Variants in GRIN3A observed in about 807,000 individuals in gnomAD.
The protein encoded by GRIN3A is glutamate receptor ionotropic, NMDA 3A.
GRIN3A carries 47 observed loss-of-function variants against 92.4 expected under a neutral mutation model. The ratio of observed to expected loss-of-function variants is 0.51; its 90% CI spans 0.40 to 0.65. The LOEUF (loss-of-function observed/expected upper bound fraction) is 0.65. Ranked by LOEUF, GRIN3A falls within the 30% of genes least tolerant of loss-of-function variation. The pLI, the probability that GRIN3A is intolerant of heterozygous loss-of-function variation, is 0.00. For synonymous variants in GRIN3A, 527 were observed against 540.6 expected, an observed-to-expected ratio of 0.97 and a Z score of 0.35; for missense variants, 1,324 against 1,393.1, an observed-to-expected ratio of 0.95 and a Z score of 0.79.
At chr9:101,673,271 T>G (rs1053423699) in intron 2 of GRIN3A, among the ~76,000 whole-genome samples, 1 of 152,118 alleles carries the variant, frequency 6.6e-6, no homozygotes, top group Non-Finnish European at 1.5e-5. Context: ...CACAACTCTG[T>G]CATTCCAGTA....
rs773593066 is a variant in GRIN3A, at chr9:101,686,891, G to A, written c.1009C>T (p.Arg337Trp). The stretch of plus-strand genomic sequence containing the variant: ...AACTGGGTTGTAATTTCGAAAATCC[G>A]CCGGATACTTTCCATGTCGCAGCCA... Reference protein sequence around the residue: ...MFGCDMESIRRIFEITTQFGV... With the variant: ...MFGCDMESIRWIFEITTQFGV... The change falls in exon 2 of 9, where the codon CGG becomes TGG. Residue 337 changes from arginine (R) to tryptophan (W), a missense_variant. Coordinates refer to ENST00000361820, the MANE Select transcript of GRIN3A (RefSeq NM_133445.3). 52 of 1,614,062 alleles carry A rather than the reference G, an allele frequency of 3.2e-5. No homozygotes were observed. Among genetic ancestry groups the A allele is most frequent in the East Asian group, 2.5e-4 (11 of 44,886 alleles).
At chr9:101,680,003 G>A (rs1435485601) in intron 2 of GRIN3A, among the ~76,000 whole-genome samples, 1 of 151,938 alleles carries the variant, frequency 6.6e-6, no homozygotes, top group African/African-American at 2.4e-5. Context: ...ATTAAGGAAG[G>A]CTTATACTAA....
At chr9:101,580,979 T>C (rs558417475) in intron 6 of GRIN3A, among the ~76,000 whole-genome samples, 1 of 152,330 alleles carries the variant, frequency 6.6e-6, no homozygotes, top group African/African-American at 2.4e-5. Flanking sequence ...AGCCATTATT[T>C]AGCCATTGAC....
chr9:101,614,594 C>A (rs889028058), intron 5 of GRIN3A, among the ~76,000 whole-genome samples: 2 of 143,352 alleles, frequency 1.4e-5, no homozygotes, highest in East Asian at 4.1e-4. Flanking sequence ...CATATATATG[C>A]ATATATATGT....
intron 6 of GRIN3A, among the ~76,000 whole-genome samples, chr9:101,585,399 T>C (rs1827937126): frequency 6.6e-6 from 1 of 152,204 alleles, no homozygotes; most frequent in Non-Finnish European, 1.5e-5. Context: ...CAGATGTCAA[T>C]GACTCCCAAG....
intron 1 of GRIN3A, among the ~76,000 whole-genome samples, chr9:101,723,963 C>T (rs998413823): frequency 1.3e-5 from 2 of 152,140 alleles, no homozygotes; most frequent in Non-Finnish European, 2.9e-5. Context: ...GAGCTAGACA[C>T]GGGGTGCTTA....
At chr9:101,652,345 G>T (rs957613614) in intron 3 of GRIN3A, among the ~76,000 whole-genome samples, 4 of 151,948 alleles carry the variant, frequency 2.6e-5, no homozygotes, top group Middle Eastern at 3.2e-3. Context: ...AAATAGGAAG[G>T]TCATCAAAGT....
At chr9:101,713,990 G>A (rs753509152) in intron 1 of GRIN3A, among the ~76,000 whole-genome samples, 3 of 152,112 alleles carry the variant, frequency 2.0e-5, no homozygotes, top group Non-Finnish European at 4.4e-5. Context: ...CTGTGGCACT[G>A]CACTCCAGTC....
chr9:101,598,362 G>A (rs1387449363), intron 6 of GRIN3A, among the ~76,000 whole-genome samples: 3 of 152,126 alleles, frequency 2.0e-5, no homozygotes, highest in African/African-American at 4.8e-5. Context: ...GAAAGATATG[G>A]AGGCTAAAAT....
intron 3 of GRIN3A, among the ~76,000 whole-genome samples, chr9:101,661,047 G>C (rs1162725903): frequency 6.6e-6 from 1 of 151,810 alleles, no homozygotes; most frequent in African/African-American, 2.4e-5. Flanking sequence ...CCTAGGAGGG[G>C]AATAAACTGG....
intron 3 of GRIN3A, among the ~76,000 whole-genome samples, chr9:101,658,653 T>G (rs1487686636): frequency 1.3e-5 from 2 of 151,940 alleles, no homozygotes; most frequent in Non-Finnish European, 2.9e-5. Flanking sequence ...ACTCACTTCT[T>G]GAGTTTGAAA....
intron 8 of GRIN3A, 120 bp from the exon 9 acceptor site, chr9:101,573,633 T>A: frequency 1.2e-6 from 1 of 812,318 alleles, no homozygotes; most frequent in Non-Finnish European, 2.1e-6. Context: ...AGAGATGAAG[T>A]AACAAAGCCA....
chr9:101,585,966 T>A (rs1016723570), intron 6 of GRIN3A, among the ~76,000 whole-genome samples: 4 of 152,210 alleles, frequency 2.6e-5, no homozygotes, highest in Non-Finnish European at 4.4e-5. Flanking sequence ...GCTCAGCCAT[T>A]TGGGCTTCCT....
At chr9:101,611,652 T>C (rs755839403) in intron 6 of GRIN3A, among the ~76,000 whole-genome samples, 2 of 152,238 alleles carry the variant, frequency 1.3e-5, no homozygotes, top group African/African-American at 2.4e-5. Context: ...ATATGAGACA[T>C]TGACAATACA....
In GRIN3A at chr9:101,653,423, T is replaced by A. The variant is rs572078357; in HGVS notation, c.2352+16637A>T. Among the ~76,000 whole-genome samples the A allele has an allele frequency of 1.4e-4, 22 of 152,102 alleles. No individual in the cohort carries two copies. In the South Asian group the frequency reaches 4.1e-3, roughly 29 times the overall value. Reference sequence around the variant, plus strand: ...TAATTTCTATACTTATTGAACTATGTTAATTAAGCTTTTAATTTTTTAGCT... The same window carrying A: ...TAATTTCTATACTTATTGAACTATGATAATTAAGCTTTTAATTTTTTAGCT... On this transcript the variant is annotated intron_variant, in intron 3 of 8. Transcript: ENST00000361820.
intron 3 of GRIN3A, among the ~76,000 whole-genome samples, chr9:101,631,916 T>C (rs553676607): frequency 6.6e-6 from 1 of 152,342 alleles, no homozygotes; most frequent in African/African-American, 2.4e-5. Context: ...AGAGAAATTT[T>C]AGAATTCAGA....
chr9:101,658,363 A>G (rs1414965093), intron 3 of GRIN3A, among the ~76,000 whole-genome samples: 2 of 152,090 alleles, frequency 1.3e-5, no homozygotes, highest in East Asian at 3.9e-4. Context: ...TGGTCTTACC[A>G]TGAAGTGAAA....
intron 6 of GRIN3A, among the ~76,000 whole-genome samples, chr9:101,609,310 T>C (rs1438822037): frequency 2.6e-5 from 4 of 152,226 alleles, no homozygotes; most frequent in Admixed American, 2.6e-4. Context: ...CACCTGAAGA[T>C]ATCCTAATGT....
At chr9:101,594,776 A>T (rs1466578003) in intron 6 of GRIN3A, 1 of 1,613,908 alleles carries the variant, frequency 6.2e-7, no homozygotes, top group Admixed American at 1.7e-5. Flanking sequence ...GTTGTGGCGC[A>T]GCTCCGGCAG....
Sources: gnomAD v4.1 joint callset for allele counts (sites outside exome capture counted in the v4.1 genomes callset) on GRCh38, gnomAD v4.1.1 for gene constraint, MANE v1.5 for transcripts, NCBI Gene and HGNC (gene_info 2026-07-23, HGNC 2026-07-21) for gene names.